PYY: variants seen among roughly 807,000 people sequenced by gnomAD.
PYY encodes peptide YY.
Under a neutral mutation model 10.3 loss-of-function variants are expected in PYY, and 12 were observed. The ratio of observed to expected loss-of-function variants is 1.17; its 90% confidence interval spans 0.75 to 1.89. PYY has a LOEUF of 1.89. Ranked by LOEUF, PYY falls within the 40% of genes most tolerant of loss-of-function variation. PYY has a pLI of 0.00. For synonymous variants in PYY, 66 were observed against 62.0 expected, an observed-to-expected ratio of 1.06 and a Z score of -0.30; for missense variants, 141 against 134.0, an observed-to-expected ratio of 1.05 and a Z score of -0.26.
rs188158848 is a variant in PYY, at chr17:43,977,441, C to T, written c.-462-10909G>A. ...TAGAGTTCCAGGGGCCACTCCTGGACGCCCCTTGCACCAGGACTCATGCAA... is the reference window on the plus strand; with the variant it reads ...TAGAGTTCCAGGGGCCACTCCTGGATGCCCCTTGCACCAGGACTCATGCAA... On this transcript the variant is annotated intron_variant, in intron 1 of 6. Transcript: ENST00000360085. 3.4e-4 allele frequency among the ~76,000 whole-genome samples: 52 copies of T among 152,236 alleles called. 2 individuals carry two copies. The East Asian group carries it at 8.5e-3, about 25-fold the overall frequency.
At chr17:43,997,181 G>C (rs1404264741) in intron 1 of PYY, among the ~76,000 whole-genome samples, 1 of 152,064 alleles carries the variant, frequency 6.6e-6, no homozygotes, top group Non-Finnish European at 1.5e-5. Context: ...TGGGATTACA[G>C]GCATGCACCA....
intron 1 of PYY, among the ~76,000 whole-genome samples, chr17:43,999,494 A>C (rs1303882543): frequency 1.3e-5 from 2 of 151,994 alleles, no homozygotes; most frequent in African/African-American, 4.8e-5. Flanking sequence ...CTGTAATCCC[A>C]GCACTTTGGG....
In PYY at chr17:43,987,903, G is replaced by T. The variant is rs1205454868; in HGVS notation, c.-463+16488C>A. Among the ~76,000 whole-genome samples the T allele has an allele frequency of 2.0e-5, 3 of 152,216 alleles. No individual in the cohort carries two copies. The highest frequency in any genetic ancestry group is 1.3e-4 in the Admixed American group (2 of 15,282). ...TGCTTCGGTAGCAGGGAGGGGCAGA[G>T]AGCGGTGGGACATATGCCTCCATCT... On this transcript the variant is annotated intron_variant, in intron 1 of 6. Transcript: ENST00000360085. This position sits in a 1 kb window ranked among gnomAD's most constrained non-coding sequence, Gnocchi z 4.0.
At chr17:43,999,936 A>T (rs1394248462) in intron 1 of PYY, among the ~76,000 whole-genome samples, 1 of 152,080 alleles carries the variant, frequency 6.6e-6, no homozygotes, top group African/African-American at 2.4e-5. Flanking sequence ...GCTTTAGATG[A>T]CACCTGTGCT....
intron 1 of PYY, among the ~76,000 whole-genome samples, chr17:43,970,112 A>T (rs1029350914): frequency 6.7e-6 from 1 of 148,638 alleles, no homozygotes; most frequent in East Asian, 2.0e-4. Context: ...GAAGTGGGGG[A>T]ATCGCTTAAA....
At chr17:44,002,354 G>A (rs2049034141) in intron 1 of PYY, among the ~76,000 whole-genome samples, 1 of 152,200 alleles carries the variant, frequency 6.6e-6, no homozygotes, top group South Asian at 2.1e-4. Flanking sequence ...ACTCCAGCAT[G>A]GGGAGACAAA....
intron 1 of PYY, among the ~76,000 whole-genome samples, chr17:43,977,922 G>A (rs1005304704): frequency 8.5e-5 from 13 of 152,110 alleles, no homozygotes; most frequent in South Asian, 6.2e-4. Flanking sequence ...AATCTTGGCC[G>A]GGCACGGTGG....
intron 1 of PYY, among the ~76,000 whole-genome samples, chr17:43,970,283 G>A (rs929562820): frequency 6.6e-6 from 1 of 150,488 alleles, no homozygotes; most frequent in Non-Finnish European, 1.5e-5. Context: ...TGAGGCTGGA[G>A]GATCATTTGA....
At chr17:43,984,219 T>C (rs183197221) in intron 1 of PYY, among the ~76,000 whole-genome samples, 1 of 152,176 alleles carries the variant, frequency 6.6e-6, no homozygotes, top group Admixed American at 6.5e-5. Context: ...CCCTGCTCCT[T>C]TCCCCTCTGC....
chr17:43,997,339 G>A (rs907702819), intron 1 of PYY, among the ~76,000 whole-genome samples: 1 of 152,046 alleles, frequency 6.6e-6, no homozygotes, highest in Non-Finnish European at 1.5e-5. Flanking sequence ...GCGCCTGGCC[G>A]GGTGTTCCAA....
At chr17:43,991,929 A>G (rs1395087019) in intron 1 of PYY, among the ~76,000 whole-genome samples, 1 of 150,652 alleles carries the variant, frequency 6.6e-6, no homozygotes, top group Non-Finnish European at 1.5e-5. Context: ...GACTACCCTG[A>G]CTAACACGGT....
chr17:43,994,272 T>A (rs921814845), intron 1 of PYY, among the ~76,000 whole-genome samples: 2 of 152,076 alleles, frequency 1.3e-5, no homozygotes, highest in Non-Finnish European at 2.9e-5. Flanking sequence ...ATCTCCCAAG[T>A]GCTCAACACA....
intron 1 of PYY, among the ~76,000 whole-genome samples, chr17:43,995,152 C>T (rs1213749463): frequency 6.6e-6 from 1 of 152,188 alleles, no homozygotes; most frequent in Non-Finnish European, 1.5e-5. Context: ...ACCGAGGACC[C>T]CTGGGGTATT....
chr17:43,962,679 A>AT (rs1023095989), intron 2 of PYY, among the ~76,000 whole-genome samples: 2 of 152,182 alleles, frequency 1.3e-5, no homozygotes, highest in African/African-American at 4.8e-5. Context: ...TGACTGATGA[A>AT]TTTAGGGGCA....
chr17:43,973,776 C>A (rs1263543656), intron 1 of PYY, among the ~76,000 whole-genome samples: 1 of 152,160 alleles, frequency 6.6e-6, no homozygotes, highest in African/African-American at 2.4e-5. Flanking sequence ...GCCTGGGTGA[C>A]AAAGCACGAC....
chr17:43,983,651 C>A (rs2048897036), intron 1 of PYY, among the ~76,000 whole-genome samples: 1 of 152,226 alleles, frequency 6.6e-6, no homozygotes, highest in African/African-American at 2.4e-5. Flanking sequence ...TCACCCACTG[C>A]CCTCATTCAA....
intron 1 of PYY, among the ~76,000 whole-genome samples, chr17:43,992,693 G>A (rs1048629045): frequency 1.3e-5 from 2 of 151,914 alleles, no homozygotes; most frequent in Non-Finnish European, 2.9e-5. Context: ...GGCAACAAGA[G>A]CGAAACTCCA....
chr17:43,968,862 C>T (rs1250713675), intron 1 of PYY, among the ~76,000 whole-genome samples: 1 of 151,344 alleles, frequency 6.6e-6, no homozygotes, highest in Non-Finnish European at 1.5e-5. Flanking sequence ...AATCCCAGCA[C>T]TTTGGGAGGC....
chr17:43,993,228 AG>A (rs965412004), intron 1 of PYY, among the ~76,000 whole-genome samples: 29 of 152,056 alleles, frequency 1.9e-4, no homozygotes, highest in Non-Finnish European at 4.0e-4. Context: ...TGGGAGGCCA[AG>A]GCGGGTGGAT....
Sources: gnomAD v4.1 joint callset for allele counts (sites outside exome capture counted in the v4.1 genomes callset) on GRCh38, gnomAD v4.1.1 for gene constraint, Gnocchi (gnomAD v3.1) non-coding constraint, MANE v1.5 for transcripts, NCBI Gene and HGNC (gene_info 2026-07-23, HGNC 2026-07-21) for gene names.